Variants in CHD6 observed in about 807,000 individuals in gnomAD.
The protein encoded by CHD6 is chromodomain helicase DNA binding protein 6, also known as ATP-dependent chromatin remodeler CHD6.
CHD6 carries 50 observed loss-of-function variants against 276.9 expected under a neutral mutation model. The observed-to-expected ratio is 0.18, with a 90% confidence interval of 0.14 to 0.23. The LOEUF (loss-of-function observed/expected upper bound fraction) is 0.23. Ranked by LOEUF, CHD6 falls within the 10% of genes least tolerant of loss-of-function variation. CHD6 has a pLI of 1.00. For synonymous variants in CHD6, 1,173 were observed against 1,229.3 expected (o/e 0.95, Z 0.96); for missense variants, 2,564 against 3,365.8 (o/e 0.76, Z 5.89).
chr20:41,474,985 T>C (rs2043138828), intron 16 of CHD6, among the ~76,000 whole-genome samples: 1 of 152,162 alleles, frequency 6.6e-6, no homozygotes, highest in Admixed American at 6.5e-5. Flanking sequence ...GAATAATAAA[T>C]GAGAACTACA....
intron 14 of CHD6, among the ~76,000 whole-genome samples, chr20:41,487,094 A>G (rs1182951328): frequency 6.6e-6 from 1 of 152,148 alleles, no homozygotes; most frequent in Non-Finnish European, 1.5e-5. Context: ...TAGAGTATTT[A>G]TTACTATCAG....
intron 20 of CHD6, 75 bp downstream of exon 20, chr20:41,454,551 T>G: frequency 6.1e-4 from 696 of 1,137,424 alleles, no homozygotes; most frequent in Non-Finnish European, 8.1e-4. Flanking sequence ...AATAATGACT[T>G]GAGCTGTGTA....
intron 1 of CHD6, among the ~76,000 whole-genome samples, chr20:41,606,935 C>G (rs1313563820): frequency 6.6e-6 from 1 of 152,208 alleles, no homozygotes; most frequent in East Asian, 1.9e-4. Flanking sequence ...CAACCAACCT[C>G]TGCTGCTGGA....
intron 1 of CHD6, among the ~76,000 whole-genome samples, chr20:41,605,269 C>T (rs1418191091): frequency 6.6e-6 from 1 of 152,104 alleles, no homozygotes; most frequent in African/African-American, 2.4e-5. Flanking sequence ...AGGTTTGATA[C>T]TTTTCAAGAT....
intron 1 of CHD6, among the ~76,000 whole-genome samples, chr20:41,598,661 G>A (rs2045743435): frequency 6.6e-6 from 1 of 152,278 alleles, no homozygotes; most frequent in Non-Finnish European, 1.5e-5. Flanking sequence ...AGGGCCATCT[G>A]TCCTCCAGGT....
chr20:41,444,044 A>C (rs572428412), intron 25 of CHD6, among the ~76,000 whole-genome samples: 2 of 152,298 alleles, frequency 1.3e-5, no homozygotes, highest in Admixed American at 1.3e-4. Flanking sequence ...GGGACTTGGC[A>C]ATGTGCCCTA....
chr20:41,576,328 T>C (rs2045473921), intron 1 of CHD6, among the ~76,000 whole-genome samples: 1 of 152,204 alleles, frequency 6.6e-6, no homozygotes, highest in African/African-American at 2.4e-5. Context: ...CCACTATATA[T>C]GTAGCGAATC....
In CHD6 at chr20:41,437,665, C is replaced by T. The variant is rs143855669; in HGVS notation, c.4008-331G>A. ...GAATAAAGTGGAACTTCCAAGTCAGCCGTCTGTACCCATGGAGGATTGGTT... is the reference window on the plus strand; with the variant it reads ...GAATAAAGTGGAACTTCCAAGTCAGTCGTCTGTACCCATGGAGGATTGGTT... On this transcript the variant is annotated intron_variant, in intron 26 of 36. Transcript: ENST00000373233. Among the ~76,000 whole-genome samples, 419 of 152,328 alleles carry T rather than the reference C, an allele frequency of 2.8e-3. 2 individuals are homozygous for T. Among genetic ancestry groups the T allele is most frequent in the Middle Eastern group, 0.024 (7 of 294 alleles).
chr20:41,450,110 T>C (rs2048189848), intron 23 of CHD6, among the ~76,000 whole-genome samples: 1 of 152,046 alleles, frequency 6.6e-6, no homozygotes, highest in Non-Finnish European at 1.5e-5. Flanking sequence ...TTATACTTTA[T>C]CTGTAAAAGA....
intron 17 of CHD6, among the ~76,000 whole-genome samples, chr20:41,463,789 C>G (rs1007198107): frequency 2.0e-5 from 3 of 152,150 alleles, no homozygotes; most frequent in African/African-American, 7.2e-5. Flanking sequence ...TATGTTGAAA[C>G]AAATGATAAG....
rs76624448 is a variant in CHD6 at position 41,476,413 on chromosome 20, G to A, written c.2469-2896C>T. Among the ~76,000 whole-genome samples, 574 of 152,082 alleles carry A rather than the reference G, an allele frequency of 3.8e-3. 16 individuals are homozygous for A. The East Asian group carries it at 0.042, about 11-fold the overall frequency. On this transcript the variant is annotated intron_variant, in intron 16 of 36. Transcript: ENST00000373233. ...ACATGTTTTTGGCACAAGAAATGTT[G>A]ACTTTAGAAAGGCCTGAAGGGAAAT...
At chr20:41,542,441 C>T (rs986002604) in intron 2 of CHD6, among the ~76,000 whole-genome samples, 4 of 152,202 alleles carry the variant, frequency 2.6e-5, no homozygotes, top group African/African-American at 7.2e-5. Context: ...GCCTGTAATC[C>T]CAGCACTTTG....
At chr20:41,554,081 T>C (rs1237219371) in intron 1 of CHD6, among the ~76,000 whole-genome samples, 5 of 151,952 alleles carry the variant, frequency 3.3e-5, no homozygotes, top group African/African-American at 1.2e-4. Context: ...GTCTGGGAGG[T>C]CCAAGCTGCA....
chr20:41,579,568 A>G (rs2146228986), intron 1 of CHD6, among the ~76,000 whole-genome samples: 1 of 152,268 alleles, frequency 6.6e-6, no homozygotes. Flanking sequence ...AAACACAAAA[A>G]CATCTGATAC....
intron 27 of CHD6, among the ~76,000 whole-genome samples, chr20:41,432,886 G>A (rs1569072730): frequency 6.6e-6 from 1 of 152,046 alleles, no homozygotes. Flanking sequence ...TTTCAGCAAA[G>A]AAACAAAGAT....
chr20:41,464,103 A>G (rs1241139257), intron 17 of CHD6, among the ~76,000 whole-genome samples: 1 of 152,206 alleles, frequency 6.6e-6, no homozygotes, highest in African/African-American at 2.4e-5. Context: ...TAAAGGGTAC[A>G]CTGGAGTTGC....
intron 2 of CHD6, among the ~76,000 whole-genome samples, chr20:41,542,669 G>T (rs866432121): frequency 6.6e-6 from 1 of 151,384 alleles, no homozygotes; most frequent in Non-Finnish European, 1.5e-5. Flanking sequence ...CTCCAGCCTG[G>T]GCGACAGAGC....
chr20:41,538,920 C>T (rs2044887005), intron 2 of CHD6, among the ~76,000 whole-genome samples: 1 of 152,164 alleles, frequency 6.6e-6, no homozygotes. Context: ...CTGCCTTTTA[C>T]AACTGCCTCC....
chr20:41,505,612 T>G (rs146390459), intron 5 of CHD6, among the ~76,000 whole-genome samples: 36 of 152,336 alleles, frequency 2.4e-4, no homozygotes, highest in Middle Eastern at 3.4e-3. Context: ...AGCTATTTGA[T>G]GCCTTTAAAA....
Sources: gnomAD v4.1 joint callset for allele counts (sites outside exome capture counted in the v4.1 genomes callset) on GRCh38, gnomAD v4.1.1 for gene constraint, MANE v1.5 for transcripts, NCBI Gene and HGNC (gene_info 2026-07-23, HGNC 2026-07-21) for gene names.